The following PTPRM variants were observed in gnomAD, a reference collection of about 807,000 sequenced individuals.
The protein encoded by PTPRM is protein tyrosine phosphatase receptor type M, also known as receptor-type tyrosine-protein phosphatase mu.
Under a neutral mutation model 186.7 loss-of-function variants are expected in PTPRM, and 47 were observed. The observed-to-expected ratio is 0.25, with a 90% confidence interval of 0.20 to 0.32. The LOEUF is 0.32. Ranked by LOEUF, PTPRM falls within the 10% of genes least tolerant of loss-of-function variation. The pLI, the probability that PTPRM is intolerant of heterozygous loss-of-function variation, is 1.00. For missense variants in PTPRM, 1,494 were observed against 1,865.0 expected (o/e 0.80, Z 3.66); for synonymous variants, 668 against 674.9 (o/e 0.99, Z 0.16).
intron 24 of PTPRM, among the ~76,000 whole-genome samples, chr18:8,372,990 A>G (rs2095672867): frequency 6.6e-6 from 1 of 152,090 alleles, no homozygotes. Flanking sequence ...TCCCAGCTGC[A>G]CAGAAATGTG....
chr18:7,679,600 G>A (rs760058279), intron 1 of PTPRM, among the ~76,000 whole-genome samples: 9 of 152,210 alleles, frequency 5.9e-5, no homozygotes, highest in Non-Finnish European at 1.3e-4. Flanking sequence ...GGGAGGCAGA[G>A]GTTACAGTGA....
In PTPRM at chr18:7,820,048, C is replaced by T. The variant is rs143208078; in HGVS notation, c.196+45777C>T. On this transcript the variant is annotated intron_variant, in intron 2 of 32. Coordinates refer to ENST00000580170, the MANE Select transcript of PTPRM (RefSeq NM_001105244.2). ...TTGTGAAGTGCGTTGCTAATAAATA[C>T]TTTTGCTTTATCTTAAGCTTGGGTG... Among the ~76,000 whole-genome samples the T allele has an allele frequency of 2.3e-3, 349 of 152,304 alleles. 1 individual carries two copies. Among genetic ancestry groups the T allele is most frequent in the African/African-American group, 8.0e-3 (334 of 41,572 alleles).
chr18:8,223,173 A>G (rs1860963), intron 14 of PTPRM, among the ~76,000 whole-genome samples: 83,806 of 151,866 alleles, frequency 0.55, 23,745 homozygotes, highest in East Asian at 0.77. Context: ...ACAGTGAGCC[A>G]CGATCGCACC....
At chr18:8,299,245 A>G (rs2095129745) in intron 20 of PTPRM, among the ~76,000 whole-genome samples, 1 of 152,156 alleles carries the variant, frequency 6.6e-6, no homozygotes, top group African/African-American at 2.4e-5. Context: ...GAGAGTATGT[A>G]CTTAAAAGGG....
At chr18:7,660,008 G>A (rs752514107) in intron 1 of PTPRM, among the ~76,000 whole-genome samples, 2 of 152,150 alleles carry the variant, frequency 1.3e-5, no homozygotes, top group African/African-American at 2.4e-5. Context: ...GAAAGTGGAC[G>A]TGCTACACTT....
chr18:7,803,230 G>T (rs1280415541), intron 2 of PTPRM, among the ~76,000 whole-genome samples: 1 of 152,162 alleles, frequency 6.6e-6, no homozygotes, highest in Non-Finnish European at 1.5e-5. Context: ...GCATCTCACT[G>T]GGCTAAACTC....
At chr18:7,721,732 C>T (rs2040450293) in intron 1 of PTPRM, among the ~76,000 whole-genome samples, 1 of 152,162 alleles carries the variant, frequency 6.6e-6, no homozygotes, top group South Asian at 2.1e-4. Flanking sequence ...GTTTTTGACA[C>T]ACATGTCAGA....
intron 1 of PTPRM, among the ~76,000 whole-genome samples, chr18:7,698,479 A>G (rs1408327248): frequency 6.6e-6 from 1 of 152,240 alleles, no homozygotes; most frequent in Admixed American, 6.5e-5. Flanking sequence ...AAGATGTATC[A>G]CATGAATAAA....
chr18:7,745,460 G>C (rs940877945), intron 1 of PTPRM, among the ~76,000 whole-genome samples: 1 of 152,180 alleles, frequency 6.6e-6, no homozygotes, highest in Non-Finnish European at 1.5e-5. Context: ...AGACTCACAG[G>C]CTCTGGGAGA....
intron 22 of PTPRM, among the ~76,000 whole-genome samples, chr18:8,320,931 G>A (rs2095341856): frequency 6.6e-6 from 1 of 152,206 alleles, no homozygotes; most frequent in East Asian, 1.9e-4. Context: ...GGTTGCTGAG[G>A]TCTTCAGGAA....
chr18:8,085,414 C>T (rs1164970433), intron 9 of PTPRM, among the ~76,000 whole-genome samples: 1 of 152,110 alleles, frequency 6.6e-6, no homozygotes, highest in Non-Finnish European at 1.5e-5. Flanking sequence ...CAAACAACTT[C>T]AAAGTATTAG....
At chr18:8,240,653 GAAAGAAAGAA>G (rs1179338845) in intron 14 of PTPRM, among the ~76,000 whole-genome samples, 6 of 17,502 alleles carry the variant, frequency 3.4e-4, no homozygotes, top group African/African-American at 1.5e-3. Flanking sequence ...GAGAGAGAGA[GAAAGAAAGAA>G]AGAAAGAAAG....
At chr18:8,352,632 C>CT (rs58235619) in intron 23 of PTPRM, among the ~76,000 whole-genome samples, 61 of 130,450 alleles carry the variant, frequency 4.7e-4, no homozygotes, top group South Asian at 2.5e-3. Flanking sequence ...TTTTTCTTTT[C>CT]TTTTTTTTTT....
intron 19 of PTPRM, among the ~76,000 whole-genome samples, chr18:8,291,190 A>C (rs2095039463): frequency 6.6e-6 from 1 of 152,120 alleles, no homozygotes; most frequent in Non-Finnish European, 1.5e-5. Flanking sequence ...GCTTTGGTCG[A>C]ATTTGATTTT....
At chr18:8,085,960 C>T in intron 10 of PTPRM, 88 bp downstream of exon 10, 1 of 1,274,132 alleles carries the variant, frequency 7.8e-7, no homozygotes, top group Admixed American at 1.8e-5. Context: ...CAAGCTCGCC[C>T]ACACTAACAT....
chr18:7,951,059 G>A (rs117878363), intron 6 of PTPRM, among the ~76,000 whole-genome samples: 35 of 152,226 alleles, frequency 2.3e-4, no homozygotes, highest in Non-Finnish European at 5.0e-4. Context: ...ATATCTACTC[G>A]GATAATGTAT....
At chr18:8,238,651 G>GGTT (rs2094376091) in intron 14 of PTPRM, among the ~76,000 whole-genome samples, 5 of 25,758 alleles carry the variant, frequency 1.9e-4, no homozygotes, top group South Asian at 1.9e-3. Context: ...TGTTTTGTGT[G>GGTT]TTTTTTTTTT....
intron 29 of PTPRM, among the ~76,000 whole-genome samples, chr18:8,381,530 T>C (rs187379874): frequency 9.8e-5 from 15 of 152,334 alleles, no homozygotes; most frequent in Admixed American, 5.2e-4. Flanking sequence ...CTGCATTATA[T>C]TGTCAAAGCT....
At chr18:7,892,139 A>T (rs1031607653) in intron 3 of PTPRM, among the ~76,000 whole-genome samples, 2 of 152,144 alleles carry the variant, frequency 1.3e-5, no homozygotes, top group Admixed American at 6.5e-5. Flanking sequence ...ATCAGAAGGT[A>T]TGTCCTGCTC....
Sources: allele counts gnomAD v4.1 joint callset (sites outside exome capture counted in the v4.1 genomes callset), GRCh38; gene constraint gnomAD v4.1.1; transcripts MANE v1.5; gene names NCBI Gene and HGNC (gene_info 2026-07-23, HGNC 2026-07-21).